The following ZNF611 variants were observed in gnomAD, a reference collection of about 807,000 sequenced individuals.
The protein encoded by ZNF611 is zinc finger protein 611.
A neutral mutation model predicts 8.9 loss-of-function variants in ZNF611; 6 were observed. That is an observed-to-expected ratio of 0.68 (90% CI 0.37 to 1.34). The LOEUF (loss-of-function observed/expected upper bound fraction) is 1.34, where lower values mean the gene tolerates loss of function less well. ZNF611 is among the 40% of genes most tolerant of loss of function. ZNF611 has a pLI of 0.02. For synonymous variants in ZNF611, 262 were observed against 279.7 expected (o/e 0.94, Z 0.63); for missense variants, 874 against 841.3 (o/e 1.04, Z -0.48).
At chr19:52,719,905 G>A (rs1380414592) in intron 3 of ZNF611, among the ~76,000 whole-genome samples, 1 of 152,270 alleles carries the variant, frequency 6.6e-6, no homozygotes, top group Non-Finnish European at 1.5e-5. Flanking sequence ...CCTAGGCAGA[G>A]GTCCCTGCGG....
intron 5 of ZNF611, among the ~76,000 whole-genome samples, chr19:52,713,760 G>A (rs528826364): frequency 5.9e-5 from 9 of 151,974 alleles, no homozygotes; most frequent in African/African-American, 9.7e-5. Context: ...GTGTGGTCTC[G>A]CATGCCTATA....
At chr19:52,709,767 A>G (rs2062268334) in intron 5 of ZNF611, among the ~76,000 whole-genome samples, 1 of 151,560 alleles carries the variant, frequency 6.6e-6, no homozygotes, top group Admixed American at 6.6e-5. Context: ...TGGTTTCTCC[A>G]TGTTGGTCAG....
chr19:52,726,696 G>A (rs2062395473), intron 3 of ZNF611, among the ~76,000 whole-genome samples: 2 of 150,358 alleles, frequency 1.3e-5, no homozygotes, highest in Admixed American at 6.6e-5. Context: ...GGGATTACAG[G>A]TGTGAGCCAC....
At chr19:52,714,796 G>C (rs1037487519) in intron 4 of ZNF611, among the ~76,000 whole-genome samples, 1 of 150,028 alleles carries the variant, frequency 6.7e-6, no homozygotes, top group African/African-American at 2.5e-5. Flanking sequence ...TCAAGAGATT[G>C]AGACCATCCT....
chr19:52,728,126 T>C (rs190882555), intron 3 of ZNF611, among the ~76,000 whole-genome samples: 95 of 152,224 alleles, frequency 6.2e-4, no homozygotes, highest in Middle Eastern at 6.8e-3. Flanking sequence ...TCAGGTGGTC[T>C]TGAACTCCTG....
chr19:52,715,971 C>CA (rs1172986777), intron 3 of ZNF611, 58 bp from the exon 4 acceptor site: 2 of 1,588,316 alleles, frequency 1.3e-6, no homozygotes, highest in Non-Finnish European at 1.7e-6. Flanking sequence ...CTTCCTGTGA[C>CA]AAAAACACAC....
At chr19:52,722,052 AAAT>A (rs139356801) in intron 3 of ZNF611, among the ~76,000 whole-genome samples, 5,718 of 151,906 alleles carry the variant, frequency 0.038, 337 homozygotes, top group African/African-American at 0.13. Flanking sequence ...CTCCACTGCA[AAAT>A]AATAATAATA....
In ZNF611 at chr19:52,730,391, CAAAAAAAAAAAA is replaced by C. The variant is rs1159350274; in HGVS notation, c.-221-398_-221-387del. On this transcript the variant is annotated intron_variant, in intron 1 of 5. Coordinates refer to ENST00000652185, the MANE Select transcript of ZNF611 (RefSeq NM_001161499.2). ...TGGGCGACAGAGCCAGACTCCGTCT[CAAAAAAAAAAAA>C]AAAAAAAAAAAAAAAAAAAAACATG... 9.8e-4 allele frequency among the ~76,000 whole-genome samples: 72 copies of C among 73,560 alleles called. 3 individuals are homozygous for C. The highest frequency in any genetic ancestry group is 3.4e-3 in the East Asian group (6 of 1,754). The allele number at this position is 73,560 out of a possible 152,430, so 48.3% of individuals were successfully genotyped here.
intron 3 of ZNF611, chr19:52,721,121 G>C: frequency 6.4e-6 from 1 of 155,676 alleles, no homozygotes; most frequent in Non-Finnish European, 1.4e-5. Flanking sequence ...CCCAAACGGG[G>C]TGGTGGCTGG....
At chr19:52,710,046 A>T (rs1411535976) in intron 5 of ZNF611, among the ~76,000 whole-genome samples, 1 of 151,884 alleles carries the variant, frequency 6.6e-6, no homozygotes, top group African/African-American at 2.4e-5. Flanking sequence ...TGAGCAACAA[A>T]TTTCTATGTC....
Position 52,714,127 on chromosome 19 carries a change from G to T in ZNF611, c.78C>A (p.Phe26Leu), listed in dbSNP as rs1241438413. 1 of 1,613,532 alleles carries T rather than the reference G, an allele frequency of 6.2e-7. No individual in the cohort carries two copies. The highest frequency in any genetic ancestry group is 2.2e-5 in the East Asian group (1 of 44,862). The change falls in exon 5 of 6, where the codon TTC becomes TTA. Residue 26 changes from phenylalanine to leucine, a missense_variant. Transcript: ENST00000652185. ...GMALPQGRLT[F>L]RDVAIEFSLA... ...ATGAGAATTCTATAGCCACATCCCGGAAAGTCAAGCGTCCCTAAAATGAAA... is the reference window on the plus strand; with the variant it reads ...ATGAGAATTCTATAGCCACATCCCGTAAAGTCAAGCGTCCCTAAAATGAAA...
At chr19:52,713,991 T>C in intron 5 of ZNF611, 24 bp downstream of exon 5, 1 of 1,613,886 alleles carries the variant, frequency 6.2e-7, no homozygotes, top group Non-Finnish European at 8.5e-7. Flanking sequence ...AGACTCCTCA[T>C]GTCTGCAGGG....
rs1315737062 is a variant in ZNF611 at position 52,704,619 on chromosome 19, A to C, written c.*318T>G. On this transcript the variant is annotated 3_prime_UTR_variant, in exon 6 of 6. Transcript: ENST00000652185. ...TATTACACTTGTAAGATCTCTCTTC[A>C]TTATGGATTCTCCAATGATTTGTAA... 9 of 1,584,600 alleles carry C rather than the reference A, an allele frequency of 5.7e-6. No homozygotes were observed. Among genetic ancestry groups the C allele is most frequent in the Admixed American group, 1.7e-5 (1 of 59,646 alleles).
chr19:52,720,203 T>C (rs1356762368), intron 3 of ZNF611, among the ~76,000 whole-genome samples: 2 of 152,246 alleles, frequency 1.3e-5, no homozygotes, highest in South Asian at 2.1e-4. Flanking sequence ...CTGATCTCTC[T>C]TGCTTTTCTC....
rs2147413451 is a variant in ZNF611 at position 52,704,863 on chromosome 19, CTCTCCAGT to C, written c.*66_*73del. On this transcript the variant is annotated 3_prime_UTR_variant, in exon 6 of 6. Coordinates refer to ENST00000652185, the MANE Select transcript of ZNF611 (RefSeq NM_001161499.2). ...CAGAAACCTTACATTTGTAAGCTTTCTCTCCAGTATAAATTCTCCTATGTCTTTAAGGT... is the reference window on the plus strand; with the variant it reads ...CAGAAACCTTACATTTGTAAGCTTTCATAAATTCTCCTATGTCTTTAAGGT... 1.2e-6 allele frequency: 2 copies of C among 1,608,092 alleles called. No homozygotes were observed. The highest frequency in any genetic ancestry group is 1.7e-6 in the Non-Finnish European group (2 of 1,176,916).
intron 3 of ZNF611, chr19:52,716,298 T>C (rs963903588): frequency 1.8e-5 from 3 of 169,456 alleles, no homozygotes; most frequent in African/African-American, 7.1e-5. Flanking sequence ...TGCTCAATGC[T>C]GCACACAGAT....
Position 52,720,676 on chromosome 19 carries a change from T to C in ZNF611, c.-19-4763A>G, listed in dbSNP as rs566347246. On this transcript the variant is annotated intron_variant, in intron 3 of 5. Coordinates refer to ENST00000652185, the MANE Select transcript of ZNF611 (RefSeq NM_001161499.2). ...CTCACATCTCAGACGGGGCGGCTGC[T>C]GGGCAGAGGCGCTCCCCACCTCCCA... 1.6e-3 allele frequency among the ~76,000 whole-genome samples: 174 copies of C among 109,106 alleles called. 2 individuals are homozygous for C. Among genetic ancestry groups the C allele is most frequent in the African/African-American group, 7.1e-3 (166 of 23,496 alleles). 71.6% of individuals were successfully genotyped at this position (109,106 alleles called of 152,430 possible).
chr19:52,714,092 C>G lies in ZNF611; in HGVS notation c.113G>C (p.Trp38Ser), dbSNP rs770492535. The G allele has an allele frequency of 1.9e-6, 3 of 1,613,968 alleles. No homozygotes were observed. The Admixed American group carries it at 5.0e-5, about 27-fold the overall frequency. ...DVAIEFSLAE[W>S]KCLNPSQRAL... is the part of the protein sequence containing the mutation. ...CCTCTGTGAAGGGTTCAGGCATTTCCACTCTGCCAATGAGAATTCTATAGC... is the reference window on the plus strand; with the variant it reads ...CCTCTGTGAAGGGTTCAGGCATTTCGACTCTGCCAATGAGAATTCTATAGC... Residue 38 changes from tryptophan (W) to serine (S), a missense_variant, in exon 5 of 6, where the codon TGG becomes TCG. Coordinates refer to ENST00000652185, the MANE Select transcript of ZNF611 (RefSeq NM_001161499.2).
chr19:52,725,889 C>T (rs1158834404), intron 3 of ZNF611, among the ~76,000 whole-genome samples: 1 of 152,008 alleles, frequency 6.6e-6, no homozygotes, highest in Non-Finnish European at 1.5e-5. Context: ...AAGGGCGGGG[C>T]CGGGACCGGA....
Sources: allele counts gnomAD v4.1 joint callset (sites outside exome capture counted in the v4.1 genomes callset), GRCh38; gene constraint gnomAD v4.1.1; transcripts MANE v1.5; gene names NCBI Gene and HGNC (gene_info 2026-07-23, HGNC 2026-07-21).